The following SYNE3 variants were observed in gnomAD, a reference collection of about 807,000 sequenced individuals.
The protein encoded by SYNE3 is spectrin repeat containing nuclear envelope family member 3, also known as nesprin-3.
SYNE3 carries 100 observed loss-of-function variants against 111.2 expected under a neutral mutation model. That is an observed-to-expected ratio of 0.90 (90% CI 0.77 to 1.06). The LOEUF is 1.06. SYNE3 is among the 50% of genes least tolerant of loss of function. SYNE3 has a pLI of 0.00. For missense variants in SYNE3, 1,160 were observed against 1,240.3 expected, an observed-to-expected ratio of 0.94 and a Z score of 0.97; for synonymous variants, 547 against 533.9, an observed-to-expected ratio of 1.02 and a Z score of -0.34.
chr14:95,423,746 ATTTGATGGGGATGGGGT>A (rs1885277782), intron 17 of SYNE3, among the ~76,000 whole-genome samples: 7 of 60,858 alleles, frequency 1.2e-4, no homozygotes, highest in South Asian at 6.1e-4. Flanking sequence ...GGGGATGGGG[ATTTGATGGGGATGGGGT>A]TTTGATGGGG....
In SYNE3 at chr14:95,466,194, G is replaced by A. The variant is rs201998458; in HGVS notation, c.364C>T (p.Arg122Ter). ...WLHWSEYLLA[R>*]DEFYRWFQKM... ...TGGAACCAGCGGTAGAACTCATCTC[G>A]GGCCAGCAGGTACTCGCTCCAGTGC... The change falls in exon 4 of 18, where the codon CGA becomes TGA. Residue 122 changes from arginine (R) to a stop codon, truncating the protein, a stop_gained. Coordinates refer to ENST00000682763, the MANE Select transcript of SYNE3 (RefSeq NM_152592.6). LOFTEE classifies it high-confidence loss of function. 7 of 1,591,846 alleles carry A rather than the reference G, an allele frequency of 4.4e-6. No individual in the cohort carries two copies. Among genetic ancestry groups the A allele is most frequent in the East Asian group, 2.3e-5 (1 of 44,250 alleles).
intron 10 of SYNE3, 41 bp downstream of exon 10, chr14:95,444,444 G>A (rs762139064): frequency 6.4e-7 from 1 of 1,551,204 alleles, no homozygotes; most frequent in African/African-American, 1.4e-5. Flanking sequence ...GTGCAGCTGA[G>A]CACCTGGGCA....
chr14:95,513,737 T>TTTTATATATATATA (rs1890804182), intron 1 of SYNE3, among the ~76,000 whole-genome samples: 3 of 92,506 alleles, frequency 3.2e-5, no homozygotes, highest in Admixed American at 1.1e-4. Context: ...GCTGCTTAGA[T>TTTTATATATATATA]TATATATATA....
intron 3 of SYNE3, 30 bp from the exon 4 acceptor site, chr14:95,466,270 G>C (rs764176640): frequency 6.5e-7 from 1 of 1,532,172 alleles, no homozygotes; most frequent in Non-Finnish European, 8.8e-7. Flanking sequence ...AAGGTTGTGA[G>C]GGAACCAGCC....
At chr14:95,447,259 G>A (rs571295088) in intron 8 of SYNE3, among the ~76,000 whole-genome samples, 29 of 150,982 alleles carry the variant, frequency 1.9e-4, no homozygotes, top group Non-Finnish European at 4.0e-4. Context: ...TCAGCCTCCC[G>A]AGTAGCTGGG....
intron 4 of SYNE3, among the ~76,000 whole-genome samples, chr14:95,459,657 T>C (rs1382040248): frequency 6.6e-6 from 1 of 152,202 alleles, no homozygotes; most frequent in Non-Finnish European, 1.5e-5. Flanking sequence ...ACATATGCTT[T>C]TTTCTTCTTT....
At chr14:95,478,286 G>T (rs1889012299) in intron 1 of SYNE3, among the ~76,000 whole-genome samples, 1 of 152,200 alleles carries the variant, frequency 6.6e-6, no homozygotes, top group Admixed American at 6.5e-5. Flanking sequence ...TAAGCAGACA[G>T]CAGACACTAT....
At chr14:95,488,730 G>A (rs538755164) in intron 1 of SYNE3, among the ~76,000 whole-genome samples, 1 of 148,912 alleles carries the variant, frequency 6.7e-6, no homozygotes, top group Non-Finnish European at 1.5e-5. Flanking sequence ...GGAGAGGAGA[G>A]GAGAGGAGAG....
At chr14:95,423,101 G>A (rs972494759) in intron 17 of SYNE3, among the ~76,000 whole-genome samples, 23 of 152,224 alleles carry the variant, frequency 1.5e-4, no homozygotes, top group African/African-American at 3.4e-4. Context: ...GGCTGGGTTC[G>A]TCTTGCCTCC....
At chr14:95,472,036 G>A (rs1888561669) in intron 2 of SYNE3, among the ~76,000 whole-genome samples, 1 of 152,214 alleles carries the variant, frequency 6.6e-6, no homozygotes, top group Admixed American at 6.5e-5. Context: ...TGCAAAAAGG[G>A]CCAGGAGAGA....
chr14:95,413,657 C>T lies in SYNE3; in HGVS notation c.*4169G>A, dbSNP rs1903491584. ...CTTGGCCCCCAGGGTGCAGAGGGTC[C>T]CCAGCTTCCTTCCCCTGAAGATGCC... On this transcript the variant is annotated 3_prime_UTR_variant, in exon 18 of 18. Coordinates refer to ENST00000682763, the MANE Select transcript of SYNE3 (RefSeq NM_152592.6). 1 of 152,270 alleles carries T rather than the reference C, an allele frequency of 6.6e-6. No individual in the cohort carries two copies. The highest frequency in any genetic ancestry group is 2.1e-4 in the South Asian group (1 of 4,832). 9.4% of individuals were successfully genotyped at this position (152,270 alleles called of 1,614,324 possible).
intron 4 of SYNE3, among the ~76,000 whole-genome samples, chr14:95,462,218 C>A (rs1887877068): frequency 6.6e-6 from 1 of 152,134 alleles, no homozygotes; most frequent in Non-Finnish European, 1.5e-5. Context: ...GGCCCCTCCC[C>A]ACCTACCCCT....
In SYNE3 at chr14:95,417,997, G is replaced by C. The variant is rs761065073; in HGVS notation, c.2757C>G (p.Leu919=). ...GCGCCACACAGCACGCCCTCCGGAA[G>C]AGGGAGCCCAGTCCTCGCCACCGCC... The part of the protein sequence containing the change: ...KTRRWRGLGS[L]FRRACCVALP... Residue 919 remains leucine (L), a synonymous_variant, in exon 18 of 18, where the codon CTC becomes CTG. Transcript: ENST00000682763. 6.2e-7 allele frequency: 1 copy of C among 1,611,830 alleles called. No homozygotes were observed. Among genetic ancestry groups the C allele is most frequent in the South Asian group, 1.1e-5 (1 of 90,978 alleles).
At chr14:95,449,495 C>T in intron 8 of SYNE3, 10 of 985,460 alleles carry the variant, frequency 1.0e-5, no homozygotes, top group Non-Finnish European at 1.2e-5. Flanking sequence ...CGAGACCTGG[C>T]TTAGAACTAC....
chr14:95,483,509 A>T (rs374066976), intron 1 of SYNE3, among the ~76,000 whole-genome samples: 36 of 152,048 alleles, frequency 2.4e-4, no homozygotes, highest in Non-Finnish European at 5.3e-4. Flanking sequence ...GCTTTTTCCA[A>T]TGGATTCTGG....
rs775669417 is a variant in SYNE3, at chr14:95,467,869, G to A, written c.243C>T (p.Pro81=). 8.5e-5 allele frequency: 137 copies of A among 1,614,052 alleles called. 1 individual carries two copies. The highest frequency in any genetic ancestry group is 4.2e-4 in the South Asian group (38 of 91,082). The change falls in exon 3 of 18, where the codon CCC becomes CCT. Residue 81 remains proline, a synonymous_variant. Coordinates refer to ENST00000682763, the MANE Select transcript of SYNE3 (RefSeq NM_152592.6). ...TGTCCTTCAGCCGGGCCAGGATCCCGGGCTTCTGGTCCCCAGGGCAGCATG... is the reference window on the plus strand; with the variant it reads ...TGTCCTTCAGCCGGGCCAGGATCCCAGGCTTCTGGTCCCCAGGGCAGCATG... ...LLACCPGDQK[P]GILARLKDIK... is the part of the protein sequence containing the mutation.
chr14:95,417,680 T>C lies in SYNE3; in HGVS notation c.*146A>G, dbSNP rs1049385919. On this transcript the variant is annotated 3_prime_UTR_variant, in exon 18 of 18. Coordinates refer to ENST00000682763, the MANE Select transcript of SYNE3 (RefSeq NM_152592.6). ...CACTGTATAAAAAGTAAGTGTCTTC[T>C]GGGAACGCTGACACAGCACTGATAT... 1.2e-6 allele frequency: 1 copy of C among 816,086 alleles called. No homozygotes were observed. The highest frequency in any genetic ancestry group is 2.1e-6 in the Non-Finnish European group (1 of 479,396). 50.6% of individuals were successfully genotyped at this position (816,086 alleles called of 1,614,324 possible).
rs559493462 is a variant in SYNE3 at position 95,409,509 on chromosome 14, A to G, written c.*8317T>C. 6 of 404,472 alleles carry G rather than the reference A, an allele frequency of 1.5e-5. 1 individual carries two copies. The East Asian group carries it at 2.1e-4, about 14-fold the overall frequency. 25.1% of individuals were successfully genotyped at this position (404,472 alleles called of 1,614,324 possible). A position where few individuals can be genotyped will look rare whatever the true frequency, so the allele number is the denominator to read the frequency against. On this transcript the variant is annotated 3_prime_UTR_variant, in exon 18 of 18. Coordinates refer to ENST00000682763, the MANE Select transcript of SYNE3 (RefSeq NM_152592.6). ...GGGGAAACCGAGGTCCCTCCTTATG[A>G]TTGCTGTCTCTCGGCTGGACAAGGT...
Position 95,411,628 on chromosome 14 carries a change from G to A in SYNE3, c.*6198C>T, listed in dbSNP as rs75858809. 4,920 of 152,348 alleles carry A rather than the reference G, an allele frequency of 0.032. 126 individuals carry two copies. The highest frequency in any genetic ancestry group is 0.049 in the Non-Finnish European group (3,328 of 68,072). The allele number at this position is 152,348 out of a possible 1,614,324, so 9.4% of individuals were successfully genotyped here. Reference sequence around the variant, plus strand: ...GGGTGAGAATTAGCTGAGTGCCCATGAGAGAGGGAATTAGGGCAGGATCCC... The same window carrying A: ...GGGTGAGAATTAGCTGAGTGCCCATAAGAGAGGGAATTAGGGCAGGATCCC... On this transcript the variant is annotated 3_prime_UTR_variant, in exon 18 of 18. Coordinates refer to ENST00000682763, the MANE Select transcript of SYNE3 (RefSeq NM_152592.6).
Sources: allele counts gnomAD v4.1 joint callset (sites outside exome capture counted in the v4.1 genomes callset), GRCh38; gene constraint gnomAD v4.1.1; transcripts MANE v1.5; gene names NCBI Gene and HGNC (gene_info 2026-07-23, HGNC 2026-07-21).